Variants in CNN1 observed in about 807,000 individuals in gnomAD.
CNN1 encodes calponin-1.
A neutral mutation model predicts 35.3 loss-of-function variants in CNN1; 21 were observed. The observed-to-expected ratio is 0.60, with a 90% CI of 0.42 to 0.86. The LOEUF (loss-of-function observed/expected upper bound fraction) is 0.86. Among genes scored for constraint, CNN1 ranks in the 40% least tolerant of loss-of-function variants. CNN1 has a pLI of 0.00. For missense variants in CNN1, 314 were observed against 400.8 expected (o/e 0.78, Z 1.85); for synonymous variants, 164 against 161.8 (o/e 1.01, Z -0.10).
chr19:11,538,955 C>G lies in CNN1; in HGVS notation c.28C>G (p.Pro10Ala). Residue 10 changes from proline (P) to alanine (A), a missense_variant, in exon 1 of 7, where the codon CCT (proline) becomes GCT (alanine). By Grantham distance (27) the Pro-to-Ala change is conservative (BLOSUM62 -1). Coordinates refer to ENST00000252456, the MANE Select transcript of CNN1 (RefSeq NM_001299.6). MSSAHFNRG[P>A]AYGLSAEVKN... ...GTCCTCTGCTCACTTCAACCGAGGC[C>G]CTGCCTACGGGCTGTCAGCCGAGGT... 1 of 1,594,942 alleles carries G rather than the reference C, an allele frequency of 6.3e-7. No individual in the cohort carries two copies. Among genetic ancestry groups the G allele is most frequent in the Middle Eastern group, 1.7e-4 (1 of 5,954 alleles).
intron 2 of CNN1, among the ~76,000 whole-genome samples, chr19:11,545,758 C>T (rs1599607490): frequency 2.1e-5 from 3 of 143,760 alleles, no homozygotes; most frequent in African/African-American, 7.9e-5. Context: ...AGTTCAAGAC[C>T]AGCTTGGGCA....
In CNN1 at chr19:11,549,413, C is replaced by T. The variant is rs1344572903; in HGVS notation, c.592C>T (p.Pro198Ser). 9.3e-6 allele frequency: 15 copies of T among 1,613,634 alleles called. 1 individual carries two copies. Among genetic ancestry groups the T allele is most frequent in the South Asian group, 3.3e-5 (3 of 91,068 alleles). ...CGACCCCAAGCTGGGCACAGACCAG[C>T]CTCTGGACCAGGCGACCATCAGCCT... is the stretch of plus-strand genomic sequence containing the variant. ...LYDPKLGTDQPLDQATISLQM... is the reference protein window; with the variant it reads ...LYDPKLGTDQSLDQATISLQM... The change falls in exon 6 of 7, where the codon CCT (proline) becomes TCT (serine). Residue 198 changes from proline to serine, a missense_variant. Pro to Ser is a moderately conservative substitution (Grantham distance 74). Coordinates refer to ENST00000252456, the MANE Select transcript of CNN1 (RefSeq NM_001299.6). This position sits in a 1 kb window ranked among gnomAD's most constrained non-coding sequence, Gnocchi z 5.2.
At chr19:11,547,982 C>G (rs925974771) in intron 5 of CNN1, 75 bp downstream of exon 5, 4 of 1,209,928 alleles carry the variant, frequency 3.3e-6, no homozygotes, top group African/African-American at 1.5e-5. Context: ...CTTTTGGGGA[C>G]AGGATATTTG....
At chr19:11,540,503 G>C (rs779659585) in intron 1 of CNN1, 1 of 152,776 alleles carries the variant, frequency 6.5e-6, no homozygotes, top group Non-Finnish European at 1.5e-5. Flanking sequence ...ATAAGAGGGA[G>C]AGAGACATAC....
At chr19:11,542,970 G>A (rs1256273336) in intron 2 of CNN1, among the ~76,000 whole-genome samples, 1 of 152,148 alleles carries the variant, frequency 6.6e-6, no homozygotes, top group Non-Finnish European at 1.5e-5. Flanking sequence ...GAGTGGCCTC[G>A]GGAAGACTTT....
At position 11,549,860 on chromosome 19, in the gene CNN1, C is replaced by T; in HGVS notation, c.*65C>T. On this transcript the variant is annotated 3_prime_UTR_variant, in exon 7 of 7. Coordinates refer to ENST00000252456, the MANE Select transcript of CNN1 (RefSeq NM_001299.6). The surrounding 1 kb of genome is among the most constrained non-coding windows in gnomAD (Gnocchi z 5.2). Reference sequence around the variant, plus strand: ...GCTGCTGCTCTTGGCTGGACCCAGCCAGGCCCAGCCGACCCCCTCTCCCTG... The same window carrying T: ...GCTGCTGCTCTTGGCTGGACCCAGCTAGGCCCAGCCGACCCCCTCTCCCTG... 1 of 1,543,500 alleles carries T rather than the reference C, an allele frequency of 6.5e-7. No homozygotes were observed. Among genetic ancestry groups the T allele is most frequent in the Non-Finnish European group, 8.8e-7 (1 of 1,141,654 alleles).
At chr19:11,544,660 G>C (rs947913418) in intron 2 of CNN1, among the ~76,000 whole-genome samples, 18 of 149,200 alleles carry the variant, frequency 1.2e-4, no homozygotes, top group East Asian at 3.9e-4. Flanking sequence ...TGAAGTTTTC[G>C]GGTTTTTTTT....
At chr19:11,547,066 A>G (rs1972604799) in intron 4 of CNN1, 97 bp downstream of exon 4, 1 of 1,552,460 alleles carries the variant, frequency 6.4e-7, no homozygotes, top group Non-Finnish European at 8.8e-7. Flanking sequence ...AAGGTGGCGG[A>G]GCGGGGGGCA....
chr19:11,539,327 G>A (rs73514620), intron 1 of CNN1: 34,520 of 1,097,992 alleles, frequency 0.031, 1,728 homozygotes, highest in African/African-American at 0.22. Context: ...CATATCCCCC[G>A]GCCTGACAAA....
intron 1 of CNN1, chr19:11,539,729 A>T: frequency 1.2e-6 from 1 of 845,704 alleles, no homozygotes; most frequent in Non-Finnish European, 1.7e-6. Flanking sequence ...ACTGAGGCTC[A>T]GGGTGGCTTT....
intron 1 of CNN1, 111 bp downstream of exon 1, chr19:11,539,101 A>T: frequency 9.1e-7 from 1 of 1,097,338 alleles, no homozygotes. Flanking sequence ...TTGGAAACTG[A>T]GAGGGGAAAA....
chr19:11,543,276 G>A (rs190114321), intron 2 of CNN1, among the ~76,000 whole-genome samples: 195 of 151,772 alleles, frequency 1.3e-3, no homozygotes, highest in African/African-American at 4.6e-3. Flanking sequence ...CTTGAGCCCT[G>A]GAGGTCAAGG....
chr19:11,547,116 G>T lies in CNN1; in HGVS notation c.390+147G>T, dbSNP rs181674438. 5.7e-4 allele frequency: 686 copies of T among 1,207,360 alleles called. 3 individuals carry two copies. The African/African-American group carries it at 8.7e-3, about 15-fold the overall frequency. The allele number at this position is 1,207,360 out of a possible 1,614,324, so 74.8% of individuals were successfully genotyped here. On this transcript the variant is annotated intron_variant, in intron 4 of 6. Transcript: ENST00000252456. ...GGTGCTGTCAACAGCGTCCAAGGGG[G>T]CCGGGCGCGGTCGCTCACACCTGTA...
At chr19:11,548,954 AGGTG>A (rs1972651502) in intron 5 of CNN1, among the ~76,000 whole-genome samples, 1 of 152,146 alleles carries the variant, frequency 6.6e-6, no homozygotes, top group South Asian at 2.1e-4. Context: ...TGGGAGGGTG[AGGTG>A]GGTGGATCAC....
In CNN1 at chr19:11,546,702, C is replaced by T. The variant is rs752832081; in HGVS notation, c.213C>T (p.Ser71=). ...TCATCAATAAGCTGCAGCCAGGCTCCGTGAAGAAGATCAATGAGTCAACCC... is the reference window on the plus strand; with the variant it reads ...TCATCAATAAGCTGCAGCCAGGCTCTGTGAAGAAGATCAATGAGTCAACCC... ...CEFINKLQPG[S]VKKINESTQN... is the part of the protein sequence containing the mutation. Residue 71 remains serine, a synonymous_variant, in exon 3 of 7, where the codon TCC becomes TCT. Coordinates refer to ENST00000252456, the MANE Select transcript of CNN1 (RefSeq NM_001299.6). 7.2e-5 allele frequency: 116 copies of T among 1,613,994 alleles called. No homozygotes were observed. Among genetic ancestry groups the T allele is most frequent in the Non-Finnish European group, 9.2e-5 (109 of 1,180,040 alleles).
chr19:11,546,364 C>T (rs375011925), intron 2 of CNN1, among the ~76,000 whole-genome samples: 9 of 142,702 alleles, frequency 6.3e-5, no homozygotes, highest in East Asian at 6.1e-4. Context: ...TTTTTTGAGA[C>T]GGAGTCTCGC....
Position 11,549,684 on chromosome 19 carries a change from T to G in CNN1, c.783T>G (p.Tyr261Ter). The change falls in exon 7 of 7, where the codon TAT (tyrosine) becomes TAG (stop). Residue 261 changes from tyrosine (Y) to a stop codon, truncating the protein, a stop_gained. Transcript: ENST00000252456. LOFTEE classifies it high-confidence loss of function. This position sits in a 1 kb window ranked among gnomAD's most constrained non-coding sequence, Gnocchi z 5.2. ...KGASQRGMTV[Y>*]GLPRQVYDPK... ...CCTCGCAGCGGGGCATGACGGTGTA[T>G]GGGCTGCCACGCCAGGTCTACGACC... 6.2e-7 allele frequency: 1 copy of G among 1,614,226 alleles called. No homozygotes were observed. The highest frequency in any genetic ancestry group is 8.5e-7 in the Non-Finnish European group (1 of 1,180,028).
intron 2 of CNN1, among the ~76,000 whole-genome samples, chr19:11,544,142 G>A (rs754657356): frequency 3.3e-5 from 5 of 151,746 alleles, no homozygotes; most frequent in Admixed American, 1.3e-4. Flanking sequence ...ATTTGTGGTC[G>A]TAAGTGTCCT....
At chr19:11,546,180 T>C (rs2052474) in intron 2 of CNN1, among the ~76,000 whole-genome samples, 39,680 of 151,828 alleles carry the variant, frequency 0.26, 10,294 homozygotes, top group African/African-American at 0.68. Flanking sequence ...TTGGCATCAG[T>C]GTCCCATTTG....
Sources: gnomAD v4.1 joint callset for allele counts (sites outside exome capture counted in the v4.1 genomes callset) on GRCh38, gnomAD v4.1.1 for gene constraint, Gnocchi (gnomAD v3.1) non-coding constraint, MANE v1.5 for transcripts, NCBI Gene and HGNC (gene_info 2026-07-23, HGNC 2026-07-21) for gene names.